Variants in EIF4ENIF1 observed in about 807,000 individuals in gnomAD.
EIF4ENIF1 encodes eukaryotic translation initiation factor 4E transporter.
EIF4ENIF1 carries 23 observed loss-of-function variants against 110.5 expected under a neutral mutation model. The observed-to-expected ratio is 0.21, with a 90% CI of 0.15 to 0.29. EIF4ENIF1 has a LOEUF of 0.29. EIF4ENIF1 is among the 10% of genes least tolerant of loss of function. EIF4ENIF1 has a pLI of 1.00. For synonymous variants in EIF4ENIF1, 440 were observed against 437.0 expected, an observed-to-expected ratio of 1.01 and a Z score of -0.09; for missense variants, 1,031 against 1,221.1, an observed-to-expected ratio of 0.84 and a Z score of 2.32.
chr22:31,459,612 G>T (rs1477800476), intron 6 of EIF4ENIF1, among the ~76,000 whole-genome samples: 11 of 152,268 alleles, frequency 7.2e-5, no homozygotes, highest in African/African-American at 9.6e-5. Context: ...AACTCTGAGG[G>T]TAGGGAACCT....
Position 31,454,187 on chromosome 22 carries a change from G to A in EIF4ENIF1, c.1469C>T (p.Thr490Ile). 6.2e-7 allele frequency: 1 copy of A among 1,614,178 alleles called. No individual in the cohort carries two copies. Among genetic ancestry groups the A allele is most frequent in the Non-Finnish European group, 8.5e-7 (1 of 1,180,034 alleles). Residue 490 changes from threonine to isoleucine, a missense_variant, in exon 10 of 19, where the codon ACA becomes ATA. Physicochemically the swap from Thr to Ile is moderately conservative, Grantham distance 89. Coordinates refer to ENST00000330125, the MANE Select transcript of EIF4ENIF1 (RefSeq NM_019843.4). ...DMTAFNKLVS[T>I]MKASGTLPSQ... ...AGGCAAAGTCCCACTTGCCTTCATT[G>A]TGCTCACTAGCTTGTTGAACGCAGT...
At position 31,454,222 on chromosome 22, in the gene EIF4ENIF1, G is replaced by A. The variant is rs752079647; in HGVS notation, c.1434C>T (p.Asp478=). ...AVTNNRQLKK[D]GDMTAFNKLV... ...GCTTGTTGAACGCAGTCATGTCTCC[G>A]TCTTTCTTCAGTTGTCGATTGTTGG... The change falls in exon 10 of 19, where the codon GAC becomes GAT. Residue 478 remains aspartate, a synonymous_variant. Coordinates refer to ENST00000330125, the MANE Select transcript of EIF4ENIF1 (RefSeq NM_019843.4). 60 of 1,613,976 alleles carry A rather than the reference G, an allele frequency of 3.7e-5. No homozygotes were observed. In the Middle Eastern group the frequency reaches 4.9e-4, roughly 13 times the overall value.
chr22:31,438,995 C>T (rs1287305290), downstream of EIF4ENIF1, among the ~76,000 whole-genome samples: 1 of 152,222 alleles, frequency 6.6e-6, no homozygotes, highest in Non-Finnish European at 1.5e-5. Context: ...GCTGAGATTA[C>T]AGGCGTGAGC....
At chr22:31,473,440 T>C (rs1435968056) in intron 2 of EIF4ENIF1, among the ~76,000 whole-genome samples, 3 of 152,212 alleles carry the variant, frequency 2.0e-5, no homozygotes, top group Admixed American at 6.5e-5. Flanking sequence ...ATGTCCTTTA[T>C]ATTGATCTTC....
At position 31,439,703 on chromosome 22, in the gene EIF4ENIF1, C is replaced by T. The variant is rs2050232642; in HGVS notation, c.*177G>A. 2.4e-6 allele frequency: 2 copies of T among 826,538 alleles called. No individual in the cohort carries two copies. The highest frequency in any genetic ancestry group is 1.9e-5 in the South Asian group (1 of 53,934). The allele number at this position is 826,538 out of a possible 1,614,324, so 51.2% of individuals were successfully genotyped here. A position where few individuals can be genotyped will look rare whatever the true frequency, so the allele number is the denominator to read the frequency against. On this transcript the variant is annotated 3_prime_UTR_variant, in exon 19 of 19. Coordinates refer to ENST00000330125, the MANE Select transcript of EIF4ENIF1 (RefSeq NM_019843.4). The stretch of plus-strand genomic sequence containing the variant: ...CTGTATTCAGACAATGTACACTCCA[C>T]TCGACTGGTTAAGATCCTTCCATCA...
intron 1 of EIF4ENIF1, among the ~76,000 whole-genome samples, chr22:31,488,953 T>C (rs1569113444): frequency 6.6e-6 from 1 of 152,186 alleles, no homozygotes; most frequent in Non-Finnish European, 1.5e-5. Flanking sequence ...AGCATCAACA[T>C]GGTAAAAAGT....
rs1334884123 is a variant in EIF4ENIF1, at chr22:31,447,487, A to G, written c.1927T>C (p.Phe643Leu). The change falls in exon 14 of 19, where the codon TTC (phenylalanine) becomes CTC (leucine). Residue 643 changes from phenylalanine (F) to leucine (L), a missense_variant. By Grantham distance (22) the Phe-to-Leu change is conservative. This residue lies in a region of EIF4ENIF1 where 704 missense variants were observed against 879.7 expected (regional missense o/e 0.80). Coordinates refer to ENST00000330125, the MANE Select transcript of EIF4ENIF1 (RefSeq NM_019843.4). ...GGTTTGCCAAAACCAGGCTGGTAGAAGTTTGCTGCCTGTACAGCAAGGTCA... is the reference window on the plus strand; with the variant it reads ...GGTTTGCCAAAACCAGGCTGGTAGAGGTTTGCTGCCTGTACAGCAAGGTCA... ...PHDLAVQAAN[F>L]YQPGFGKPQV... 7.4e-6 allele frequency: 12 copies of G among 1,613,130 alleles called. No individual in the cohort carries two copies. The highest frequency in any genetic ancestry group is 1.0e-5 in the Non-Finnish European group (12 of 1,179,762).
intron 2 of EIF4ENIF1, among the ~76,000 whole-genome samples, chr22:31,486,619 A>T (rs933658139): frequency 2.7e-5 from 4 of 146,118 alleles, no homozygotes; most frequent in African/African-American, 5.1e-5. Context: ...TCTCCACTAA[A>T]ACTACAAAAA....
intron 2 of EIF4ENIF1, among the ~76,000 whole-genome samples, chr22:31,480,468 A>G (rs2051770592): frequency 6.6e-6 from 1 of 152,230 alleles, no homozygotes. Flanking sequence ...TAAAAGGGAA[A>G]TATTCCTGGG....
At chr22:31,467,660 TA>T in intron 4 of EIF4ENIF1, among the ~76,000 whole-genome samples, 1 of 152,060 alleles carries the variant, frequency 6.6e-6, no homozygotes, top group African/African-American at 2.4e-5. Context: ...CCATCTCTAC[TA>T]AAAATACAAA....
rs777389769 is a variant in EIF4ENIF1, at chr22:31,468,323, CT to C, written c.171-22del. On this transcript the variant is annotated intron_variant, in intron 3 of 18. Coordinates refer to ENST00000330125, the MANE Select transcript of EIF4ENIF1 (RefSeq NM_019843.4). Reference sequence around the variant, plus strand: ...CATCACTACAGGTCAAAAAATACAACTGTTAGCACTTACGCCCATGAACCAT... The same window carrying C: ...CATCACTACAGGTCAAAAAATACAACGTTAGCACTTACGCCCATGAACCAT... 9 of 1,614,018 alleles carry C rather than the reference CT, an allele frequency of 5.6e-6. No individual in the cohort carries two copies. The Admixed American group carries it at 1.5e-4, about 27-fold the overall frequency.
At chr22:31,488,767 A>C (rs760662290) in intron 1 of EIF4ENIF1, 22 bp from the exon 2 acceptor site, 140 of 1,579,884 alleles carry the variant, frequency 8.9e-5, no homozygotes, top group Non-Finnish European at 1.1e-4. Context: ...ATCGGCACAA[A>C]ATTGTCACCG....
At chr22:31,458,241 CAACA>C (rs2050888572) in intron 7 of EIF4ENIF1, among the ~76,000 whole-genome samples, 1 of 142,742 alleles carries the variant, frequency 7.0e-6, no homozygotes, top group Non-Finnish European at 1.5e-5. Flanking sequence ...AAAAAAAAAA[CAACA>C]AAAAAAGAAT....
At chr22:31,472,684 T>A (rs190183848) in intron 2 of EIF4ENIF1, among the ~76,000 whole-genome samples, 1,709 of 152,270 alleles carry the variant, frequency 0.011, 11 homozygotes, top group Middle Eastern at 0.027. Flanking sequence ...TGCAGAATTT[T>A]AAAAAAATTG....
In EIF4ENIF1 at chr22:31,484,447, G is replaced by A. The variant is rs115533891; in HGVS notation, c.96+4176C>T. Among the ~76,000 whole-genome samples the A allele has an allele frequency of 5.0e-3, 755 of 152,092 alleles. 6 individuals carry two copies. The highest frequency in any genetic ancestry group is 0.017 in the African/African-American group (716 of 41,486). On this transcript the variant is annotated intron_variant, in intron 2 of 18. Coordinates refer to ENST00000330125, the MANE Select transcript of EIF4ENIF1 (RefSeq NM_019843.4). ...GAACACTAAACTAAGAAGGGTCAAT[G>A]GTTAAGGGGCCCTCTCATCTGGCCA...
chr22:31,474,789 T>A (rs1307154937), intron 2 of EIF4ENIF1, among the ~76,000 whole-genome samples: 1 of 152,198 alleles, frequency 6.6e-6, no homozygotes, highest in Non-Finnish European at 1.5e-5. Context: ...AAATATTTTT[T>A]ATAATAAAGT....
chr22:31,450,895 A>ACACACACACACACACAC (rs61651683), intron 10 of EIF4ENIF1: 1 of 152,494 alleles, frequency 6.6e-6, no homozygotes, highest in Non-Finnish European at 1.4e-5. Context: ...ACACACACAC[A>ACACACACACACACACAC]AAAGAGACAG....
intron 2 of EIF4ENIF1, among the ~76,000 whole-genome samples, chr22:31,487,671 T>C (rs2052092853): frequency 6.6e-6 from 1 of 151,662 alleles, no homozygotes; most frequent in African/African-American, 2.4e-5. Context: ...ACGCCTGTGG[T>C]CCCAGCTACT....
At chr22:31,477,451 C>CGTGA (rs1367088686) in intron 2 of EIF4ENIF1, among the ~76,000 whole-genome samples, 1 of 151,128 alleles carries the variant, frequency 6.6e-6, no homozygotes, top group Non-Finnish European at 1.5e-5. Context: ...AATCTTTCCT[C>CGTGA]TTAGAGTTAT....
Sources: gnomAD v4.1 joint callset for allele counts (sites outside exome capture counted in the v4.1 genomes callset) on GRCh38, gnomAD v4.1.1 for gene constraint, gnomAD v4.1.1 regional missense constraint, MANE v1.5 for transcripts, NCBI Gene and HGNC (gene_info 2026-07-23, HGNC 2026-07-21) for gene names.